The following ENO1 variants were observed in gnomAD, a reference collection of about 807,000 sequenced individuals.
ENO1 encodes enolase 1, also known as alpha-enolase.
A neutral mutation model predicts 46.3 loss-of-function variants in ENO1; 33 were observed. That is an observed-to-expected ratio of 0.71 (90% CI 0.54 to 0.95). The LOEUF (loss-of-function observed/expected upper bound fraction) is 0.95, where lower values mean the gene tolerates loss of function less well. Ranked by LOEUF, ENO1 falls within the 40% of genes least tolerant of loss-of-function variation. The pLI, the probability that ENO1 is intolerant of heterozygous loss-of-function variation, is 0.00. For synonymous variants in ENO1, 220 were observed against 216.0 expected (o/e 1.02, Z -0.16); for missense variants, 488 against 553.3 (o/e 0.88, Z 1.18).
At chr1:8,865,898 C>A (rs1557580567) in intron 7 of ENO1, 1 of 327,926 alleles carries the variant, frequency 3.0e-6, no homozygotes, top group East Asian at 8.3e-5. Flanking sequence ...CAGGCTGTGC[C>A]GTTGAGAGCT....
At chr1:8,867,820 G>A (rs543671127) in intron 5 of ENO1, among the ~76,000 whole-genome samples, 168 bp downstream of exon 5, 1 of 152,132 alleles carries the variant, frequency 6.6e-6, no homozygotes, top group African/African-American at 2.4e-5. Context: ...GTGAGCCACC[G>A]CACCTGGCCA....
intron 4 of ENO1, among the ~76,000 whole-genome samples, chr1:8,869,852 A>G (rs778191750): frequency 2.0e-4 from 31 of 152,110 alleles, no homozygotes; most frequent in Non-Finnish European, 3.1e-4. Flanking sequence ...GAGCCACTGC[A>G]CCTGGCCCGG....
Position 8,861,374 on chromosome 1 carries a change from G to A in ENO1, c.1291C>T (p.Pro431Ser). 1 of 1,613,982 alleles carries A rather than the reference G, an allele frequency of 6.2e-7. No individual in the cohort carries two copies. The highest frequency in any genetic ancestry group is 2.2e-5 in the East Asian group (1 of 44,882). ...AKFAGRNFRN[P>S]LAK Reference sequence around the variant, plus strand: ...CTGCCCACAGCTTACTTGGCCAAGGGGTTTCTGAAGTTCCTGCCGGCAAAC... The same window carrying A: ...CTGCCCACAGCTTACTTGGCCAAGGAGTTTCTGAAGTTCCTGCCGGCAAAC... The change falls in exon 12 of 12, where the codon CCC becomes TCC. Residue 431 changes from proline to serine, a missense_variant. Physicochemically the swap from Pro to Ser is moderately conservative, Grantham distance 74. Coordinates refer to ENST00000234590, the MANE Select transcript of ENO1 (RefSeq NM_001428.5).
chr1:8,874,045 C>T (rs1291916663), intron 2 of ENO1: 1 of 152,212 alleles, frequency 6.6e-6, no homozygotes, highest in African/African-American at 2.4e-5. Flanking sequence ...AAAAACTGTC[C>T]TTGATCCTTG....
At chr1:8,866,076 C>CAA (rs70985533) in intron 7 of ENO1, 8,377 of 363,006 alleles carry the variant, frequency 0.023, 14 homozygotes, top group East Asian at 0.057. Flanking sequence ...GACTCCATCT[C>CAA]AAAAAAAAAA....
At chr1:8,863,062 G>C (rs1207720611) in intron 10 of ENO1, 117 bp from the exon 11 acceptor site, 1 of 1,419,122 alleles carries the variant, frequency 7.0e-7, no homozygotes, top group Non-Finnish European at 9.7e-7. Context: ...TAGGAAAGTG[G>C]GGGCCACAAC....
chr1:8,863,529 C>G (rs917948213), intron 9 of ENO1, among the ~76,000 whole-genome samples, 186 bp from the exon 10 acceptor site: 20 of 152,182 alleles, frequency 1.3e-4, no homozygotes, highest in Non-Finnish European at 2.5e-4. Context: ...TCTTCCACCC[C>G]CAGGACCTTC....
Position 8,866,704 on chromosome 1 carries a change from G to C in ENO1, c.445-203C>G, listed in dbSNP as rs928612043. 4.9e-6 allele frequency: 3 copies of C among 613,776 alleles called. No individual in the cohort carries two copies. The Admixed American group carries it at 8.9e-5, about 18-fold the overall frequency. 38.0% of individuals were successfully genotyped at this position (613,776 alleles called of 1,614,324 possible). On this transcript the variant is annotated intron_variant, in intron 6 of 11. Coordinates refer to ENST00000234590, the MANE Select transcript of ENO1 (RefSeq NM_001428.5). ...TTTAGAGACAGGGTTTCACTATACT[G>C]GTCTTGCCTAGAGGCTGGTCTCAAA... is the stretch of plus-strand genomic sequence containing the variant.
At chr1:8,864,690 G>A (rs1180101221) in intron 8 of ENO1, among the ~76,000 whole-genome samples, 1 of 152,144 alleles carries the variant, frequency 6.6e-6, no homozygotes, top group African/African-American at 2.4e-5. Context: ...AATCAGAATG[G>A]AGCCACAGAC....
In ENO1 at chr1:8,861,176, A is replaced by G; in HGVS notation, c.*184T>C. On this transcript the variant is annotated 3_prime_UTR_variant, in exon 12 of 12. Transcript: ENST00000234590. ...CGACTGCAAAGCTAGAGCTGCCAAC[A>G]GGGCTCCAGGGAGCTTGGCTTCTGT... is the stretch of plus-strand genomic sequence containing the variant. 1.7e-6 allele frequency: 1 copy of G among 573,906 alleles called. No homozygotes were observed. Among genetic ancestry groups the G allele is most frequent in the Non-Finnish European group, 3.1e-6 (1 of 326,980 alleles). 35.6% of individuals were successfully genotyped at this position (573,906 alleles called of 1,614,324 possible). A position where few individuals can be genotyped will look rare whatever the true frequency, so the allele number is the denominator to read the frequency against.
At chr1:8,870,647 C>G in intron 3 of ENO1, 137 bp from the exon 4 acceptor site, 1 of 1,506,804 alleles carries the variant, frequency 6.6e-7, no homozygotes, top group Non-Finnish European at 8.9e-7. Flanking sequence ...CCCCCTCTCC[C>G]CTTTCCCCCC....
intron 1 of ENO1, chr1:8,876,346 T>G (rs1642732130): frequency 6.6e-6 from 1 of 152,248 alleles, no homozygotes; most frequent in Non-Finnish European, 1.5e-5. Flanking sequence ...AAAAAGGTAC[T>G]TACTTTTTAC....
Position 8,863,332 on chromosome 1 carries a change from G to A in ENO1, c.1079C>T (p.Ala360Val). The A allele has an allele frequency of 6.2e-7, 1 of 1,613,096 alleles. No homozygotes were observed. Among genetic ancestry groups the A allele is most frequent in the Non-Finnish European group, 8.5e-7 (1 of 1,179,600 alleles). ...VTESLQACKL[A>V]QANGWGVMVS... is the part of the protein sequence containing the mutation. Reference sequence around the variant, plus strand: ...CATGACGCCCCAACCATTGGCCTGGGCCAGCTTGCACCTGGAAGCCAAGGA... The same window carrying A: ...CATGACGCCCCAACCATTGGCCTGGACCAGCTTGCACCTGGAAGCCAAGGA... Residue 360 changes from alanine (A) to valine (V), a missense_variant, in exon 10 of 12, where the codon GCC (alanine) becomes GTC (valine). Ala to Val is a moderately conservative substitution (Grantham distance 64, BLOSUM62 0). Transcript: ENST00000234590.
chr1:8,863,876 T>C lies in ENO1; in HGVS notation c.1067+15A>G. On this transcript the variant is annotated intron_variant, in intron 9 of 11. Transcript: ENST00000234590. The stretch of plus-strand genomic sequence containing the variant: ...CGTAGCTGCGGGAAAGCTGCTCGCC[T>C]GGGAAGACACTTACGCCTGAAGAGA... 1.2e-6 allele frequency: 2 copies of C among 1,614,164 alleles called. No individual in the cohort carries two copies. The highest frequency in any genetic ancestry group is 1.7e-6 in the Non-Finnish European group (2 of 1,179,990).
rs929236807 is a variant in ENO1 at position 8,870,748 on chromosome 1, G to A, written c.182-238C>T. ...CACAAAACAGCAGCTGGCTCAGAAC[G>A]ATCTGACTGGAGGTTAGTTTGCAAG... On this transcript the variant is annotated intron_variant, in intron 3 of 11. Transcript: ENST00000234590. 7.2e-5 allele frequency: 102 copies of A among 1,424,476 alleles called. No individual in the cohort carries two copies. In the African/African-American group the frequency reaches 1.2e-3, roughly 16 times the overall value. 88.2% of individuals were successfully genotyped at this position (1,424,476 alleles called of 1,614,324 possible). A position where few individuals can be genotyped will look rare whatever the true frequency, so the allele number is the denominator to read the frequency against.
intron 1 of ENO1, among the ~76,000 whole-genome samples, chr1:8,875,126 G>A (rs914849286): frequency 6.6e-6 from 1 of 152,098 alleles, no homozygotes; most frequent in African/African-American, 2.4e-5. Context: ...GCCTAGCTGC[G>A]GAAGGCCTTA....
At chr1:8,868,114 G>A in intron 4 of ENO1, 57 bp from the exon 5 acceptor site, 1 of 1,256,948 alleles carries the variant, frequency 8.0e-7, no homozygotes, top group Admixed American at 1.9e-5. Context: ...CATAGCCTTT[G>A]CTCCCCTACC....
At chr1:8,866,171 T>C (rs142632671) in intron 7 of ENO1, 108 bp downstream of exon 7, 4 of 933,902 alleles carry the variant, frequency 4.3e-6, no homozygotes, top group South Asian at 1.5e-5. Context: ...CTTTACAAAC[T>C]ACAGGTGGAA....
At position 8,868,079 on chromosome 1, in the gene ENO1, G is replaced by A. The variant is rs768289681; in HGVS notation, c.241-22C>T. 4.0e-5 allele frequency: 64 copies of A among 1,590,428 alleles called. No individual in the cohort carries two copies. The Admixed American group carries it at 4.3e-4, about 11-fold the overall frequency. On this transcript the variant is annotated intron_variant, in intron 4 of 11. Transcript: ENST00000234590. ...GTTTCTACGAGGGAGAGGGGAGAAT[G>A]AGGGGTTGGGGCCACTCTTATCTGC...
Sources: allele counts gnomAD v4.1 joint callset (sites outside exome capture counted in the v4.1 genomes callset), GRCh38; gene constraint gnomAD v4.1.1; transcripts MANE v1.5; gene names NCBI Gene and HGNC (gene_info 2026-07-23, HGNC 2026-07-21).